Variants in CDH13 observed in about 807,000 individuals in gnomAD.
CDH13 encodes the protein cadherin 13.
In CDH13, 24 loss-of-function variants were observed where a neutral mutation model predicts 63.8. The ratio of observed to expected loss-of-function variants is 0.38; its 90% confidence interval spans 0.27 to 0.53. CDH13 has a LOEUF of 0.53. Among genes scored for constraint, CDH13 ranks in the 20% least tolerant of loss-of-function variants. The pLI is 0.85. For missense variants in CDH13, 1,049 were observed against 903.1 expected (o/e 1.16, Z -2.07); for synonymous variants, 503 against 355.3 (o/e 1.42, Z -4.67).
In CDH13 at chr16:83,412,743, C is replaced by G. The variant is rs994403859; in HGVS notation, c.781+67737C>G. On this transcript the variant is annotated intron_variant, in intron 6 of 13. Transcript: ENST00000567109. ...TTCCTAATACGGTGAAGTCATGAGC[C>G]CCCTTAAGACCCAGTGAAAGTGGAA... is the stretch of plus-strand genomic sequence containing the variant. 2.6e-5 allele frequency among the ~76,000 whole-genome samples: 4 copies of G among 152,138 alleles called. No homozygotes were observed. The East Asian group carries it at 7.7e-4, about 29-fold the overall frequency.
chr16:82,886,719 G>T lies in CDH13; in HGVS notation c.157+28246G>T, dbSNP rs1471780217. The stretch of plus-strand genomic sequence containing the variant: ...TTCTAAGCCTTTTTCTGTGTTCTCT[G>T]TGATTCCTTAGAGCTTACTAACTGT... On this transcript the variant is annotated intron_variant, in intron 2 of 13. Transcript: ENST00000567109. Among the ~76,000 whole-genome samples, 3 of 152,172 alleles carry T rather than the reference G, an allele frequency of 2.0e-5. No individual in the cohort carries two copies. The East Asian group carries it at 5.8e-4, about 29-fold the overall frequency.
intron 6 of CDH13, among the ~76,000 whole-genome samples, chr16:83,429,350 T>C (rs1464853640): frequency 7.2e-5 from 11 of 152,170 alleles, no homozygotes; most frequent in Non-Finnish European, 1.5e-4. Context: ...AAACCTCTCC[T>C]TTAATATGGA....
chr16:83,591,537 T>C (rs1039467395), intron 7 of CDH13, among the ~76,000 whole-genome samples: 2 of 152,176 alleles, frequency 1.3e-5, no homozygotes, highest in African/African-American at 4.8e-5. Context: ...TTGTGTCTCT[T>C]CACCTCACAA....
chr16:83,112,089 C>T (rs1245617863), intron 3 of CDH13, among the ~76,000 whole-genome samples: 2 of 152,200 alleles, frequency 1.3e-5, no homozygotes, highest in Non-Finnish European at 2.9e-5. Context: ...AATTTTAGAA[C>T]TCTCTGCTTT....
At chr16:83,658,920 C>G (rs534330682) in intron 8 of CDH13, among the ~76,000 whole-genome samples, 76 of 144,242 alleles carry the variant, frequency 5.3e-4, no homozygotes, top group African/African-American at 1.8e-3. Context: ...GGTCCCATAT[C>G]CTCACCAGCA....
At chr16:83,553,297 T>C (rs988090639) in intron 7 of CDH13, among the ~76,000 whole-genome samples, 3 of 152,194 alleles carry the variant, frequency 2.0e-5, no homozygotes, top group African/African-American at 7.2e-5. Flanking sequence ...TTTTTCCTGA[T>C]TCAAATAAAG....
chr16:83,509,373 C>G (rs778668610), intron 7 of CDH13, among the ~76,000 whole-genome samples: 8 of 152,212 alleles, frequency 5.3e-5, no homozygotes, highest in Non-Finnish European at 7.3e-5. Flanking sequence ...ATTTTACTCT[C>G]TGTAAAGGGC....
chr16:83,478,225 C>T (rs1191060023), intron 6 of CDH13, among the ~76,000 whole-genome samples: 2 of 152,006 alleles, frequency 1.3e-5, no homozygotes, highest in Non-Finnish European at 2.9e-5. Flanking sequence ...GCAGTAATTC[C>T]TTTGAGCTAA....
intron 5 of CDH13, among the ~76,000 whole-genome samples, chr16:83,283,767 C>G (rs2089241571): frequency 6.6e-6 from 1 of 152,156 alleles, no homozygotes; most frequent in South Asian, 2.1e-4. Flanking sequence ...AAATAACCTT[C>G]TTTTTGGAAC....
At chr16:82,690,042 C>T (rs778825047) in intron 1 of CDH13, among the ~76,000 whole-genome samples, 7 of 128,320 alleles carry the variant, frequency 5.5e-5, no homozygotes, top group Non-Finnish European at 6.2e-5. Context: ...GTGTTGCATG[C>T]CTGTAATCTC....
At chr16:83,350,816 T>C (rs528367882) in intron 6 of CDH13, among the ~76,000 whole-genome samples, 1 of 152,314 alleles carries the variant, frequency 6.6e-6, no homozygotes, top group East Asian at 1.9e-4. Context: ...AGAGATGATG[T>C]AGGGAGTTTT....
At chr16:83,026,109 A>G (rs999414369) in intron 2 of CDH13, among the ~76,000 whole-genome samples, 2 of 152,236 alleles carry the variant, frequency 1.3e-5, no homozygotes, top group African/African-American at 4.8e-5. Flanking sequence ...TATTTGATTT[A>G]GAAAGTATTG....
chr16:83,065,733 A>C (rs578029292), intron 3 of CDH13, among the ~76,000 whole-genome samples: 107 of 151,958 alleles, frequency 7.0e-4, no homozygotes, highest in Middle Eastern at 3.4e-3. Flanking sequence ...AAAAAACAAA[A>C]AAAAAAAAAC....
intron 3 of CDH13, among the ~76,000 whole-genome samples, chr16:83,035,426 G>A (rs1271867796): frequency 1.3e-5 from 2 of 152,168 alleles, no homozygotes; most frequent in Non-Finnish European, 2.9e-5. Flanking sequence ...TGCTCCATGG[G>A]CTACAAATGC....
intron 3 of CDH13, among the ~76,000 whole-genome samples, chr16:83,104,681 A>G (rs1314983054): frequency 6.6e-6 from 1 of 152,196 alleles, no homozygotes; most frequent in East Asian, 1.9e-4. Context: ...TAACTCCCCA[A>G]GCCGAATAAT....
At chr16:83,403,317 G>C (rs1597938813) in intron 6 of CDH13, among the ~76,000 whole-genome samples, 3 of 152,064 alleles carry the variant, frequency 2.0e-5, no homozygotes, top group Admixed American at 2.0e-4. Flanking sequence ...CTGAGACTTG[G>C]AGGAAATAGA....
chr16:83,567,505 T>G (rs1415195876), intron 7 of CDH13, among the ~76,000 whole-genome samples: 2 of 152,212 alleles, frequency 1.3e-5, no homozygotes, highest in Non-Finnish European at 2.9e-5. Context: ...ATGTGAAAAT[T>G]TCTAAGGCAG....
At chr16:83,510,146 A>G (rs1471939471) in intron 7 of CDH13, among the ~76,000 whole-genome samples, 2 of 152,260 alleles carry the variant, frequency 1.3e-5, no homozygotes, top group Admixed American at 1.3e-4. Context: ...TTTGTAAGAA[A>G]TAAAAGCAAA....
chr16:82,732,053 A>G (rs1965623092), intron 1 of CDH13, among the ~76,000 whole-genome samples: 1 of 152,184 alleles, frequency 6.6e-6, no homozygotes, highest in African/African-American at 2.4e-5. Flanking sequence ...TGATCCCTTC[A>G]GTACCAAATG....
Sources: gnomAD v4.1 joint callset for allele counts (sites outside exome capture counted in the v4.1 genomes callset) on GRCh38, gnomAD v4.1.1 for gene constraint, MANE v1.5 for transcripts, NCBI Gene and HGNC (gene_info 2026-07-23, HGNC 2026-07-21) for gene names.